Variants in SLC10A7 observed in about 807,000 individuals in gnomAD.
SLC10A7 encodes solute carrier family 10 member 7.
In SLC10A7, 29 loss-of-function variants were observed where a neutral mutation model predicts 43.2. The ratio of observed to expected loss-of-function variants is 0.67; its 90% CI spans 0.50 to 0.92. SLC10A7 has a LOEUF of 0.92. Ranked by LOEUF, SLC10A7 falls within the 40% of genes least tolerant of loss-of-function variation. The probability of loss-of-function intolerance (pLI) is 0.00; values close to 1 mark genes in which losing one functional copy is unlikely to be tolerated. For missense variants in SLC10A7, 295 were observed against 403.2 expected (o/e 0.73, Z 2.30); for synonymous variants, 152 against 144.8 (o/e 1.05, Z -0.35).
At position 146,370,650 on chromosome 4, in the gene SLC10A7, T is replaced by C. The variant is rs370466379; in HGVS notation, c.436-44654A>G. Among the ~76,000 whole-genome samples, 90 of 152,300 alleles carry C rather than the reference T, an allele frequency of 5.9e-4. 1 individual carries two copies. In the South Asian group the frequency reaches 0.018, roughly 30 times the overall value. On this transcript the variant is annotated intron_variant, in intron 5 of 11. Transcript: ENST00000335472. Reference sequence around the variant, plus strand: ...GCAAAACAAATACCGGCATTCAGCCTTTTTTAATCTTCCCCCACAGCGCTC... The same window carrying C: ...GCAAAACAAATACCGGCATTCAGCCCTTTTTAATCTTCCCCCACAGCGCTC...
chr4:146,440,847 T>C (rs998165313), intron 5 of SLC10A7, among the ~76,000 whole-genome samples: 4 of 152,198 alleles, frequency 2.6e-5, no homozygotes, highest in African/African-American at 9.6e-5. Flanking sequence ...CCATTGCTCA[T>C]GCCATTTCCT....
At chr4:146,507,691 A>G (rs1737050512) in intron 3 of SLC10A7, among the ~76,000 whole-genome samples, 1 of 152,230 alleles carries the variant, frequency 6.6e-6, no homozygotes, top group Admixed American at 6.5e-5. Flanking sequence ...AAAAAGGCCT[A>G]TTCAATGTTC....
intron 5 of SLC10A7, among the ~76,000 whole-genome samples, chr4:146,358,827 A>G (rs1735842463): frequency 6.6e-6 from 1 of 152,146 alleles, no homozygotes; most frequent in East Asian, 1.9e-4. Flanking sequence ...AAAAGTTGCT[A>G]AAAACATTCC....
At chr4:146,513,564 T>A (rs1207179693) in intron 2 of SLC10A7, among the ~76,000 whole-genome samples, 1 of 152,184 alleles carries the variant, frequency 6.6e-6, no homozygotes, top group East Asian at 1.9e-4. Flanking sequence ...GCTGACCTAA[T>A]AAATGACAAT....
At chr4:146,274,056 GC>G (rs1210196076) in intron 10 of SLC10A7, among the ~76,000 whole-genome samples, 1 of 151,978 alleles carries the variant, frequency 6.6e-6, no homozygotes, top group Non-Finnish European at 1.5e-5. Context: ...CTTTCAAATG[GC>G]ATTCTGAATT....
chr4:146,373,282 G>A (rs1369096940), intron 5 of SLC10A7, among the ~76,000 whole-genome samples: 3 of 151,946 alleles, frequency 2.0e-5, no homozygotes, highest in African/African-American at 7.3e-5. Flanking sequence ...AGATCAGCCT[G>A]GGCAACATGG....
chr4:146,341,710 A>C (rs1002110799), intron 5 of SLC10A7, among the ~76,000 whole-genome samples: 2 of 151,858 alleles, frequency 1.3e-5, no homozygotes, highest in African/African-American at 2.4e-5. Flanking sequence ...CTTGGGGCTT[A>C]CATGTTCTAT....
intron 4 of SLC10A7, among the ~76,000 whole-genome samples, chr4:146,467,823 A>G (rs1733184676): frequency 6.6e-6 from 1 of 152,108 alleles, no homozygotes; most frequent in South Asian, 2.1e-4. Flanking sequence ...TTGGCCTCCC[A>G]AAGTGCTGGG....
chr4:146,330,345 G>T (rs1317382476), intron 5 of SLC10A7, among the ~76,000 whole-genome samples: 1 of 152,166 alleles, frequency 6.6e-6, no homozygotes, highest in African/African-American at 2.4e-5. Flanking sequence ...ATGTTATCAA[G>T]AGGTTTTGCT....
chr4:146,273,520 T>G (rs544681849), intron 10 of SLC10A7, among the ~76,000 whole-genome samples: 1 of 152,238 alleles, frequency 6.6e-6, no homozygotes, highest in East Asian at 1.9e-4. Flanking sequence ...GAAGGGTGGT[T>G]AGAGGTTTCA....
rs116487254 is a variant in SLC10A7, at chr4:146,287,192, G to A, written c.774-3927C>T. 7.1e-3 allele frequency among the ~76,000 whole-genome samples: 1,084 copies of A among 152,220 alleles called. 17 individuals carry two copies. The highest frequency in any genetic ancestry group is 0.025 in the African/African-American group (1,025 of 41,528). On this transcript the variant is annotated intron_variant, in intron 9 of 11. Coordinates refer to ENST00000335472, the MANE Select transcript of SLC10A7 (RefSeq NM_001029998.6). ...AGAAGGACTGTGTCTGGAGTGGTGAGAACGACTGAGTTTGGACTGGTGAGA... is the reference window on the plus strand; with the variant it reads ...AGAAGGACTGTGTCTGGAGTGGTGAAAACGACTGAGTTTGGACTGGTGAGA...
intron 4 of SLC10A7, among the ~76,000 whole-genome samples, chr4:146,460,249 C>T (rs1306525336): frequency 6.6e-6 from 1 of 151,910 alleles, no homozygotes; most frequent in Non-Finnish European, 1.5e-5. Flanking sequence ...GTATAGATTG[C>T]AAATGATGAA....
At chr4:146,294,862 T>C (rs1006731995) in intron 7 of SLC10A7, among the ~76,000 whole-genome samples, 5 of 152,186 alleles carry the variant, frequency 3.3e-5, no homozygotes, top group African/African-American at 1.2e-4. Flanking sequence ...TGTTTGGACA[T>C]AAAAGTGAAC....
intron 4 of SLC10A7, among the ~76,000 whole-genome samples, chr4:146,460,300 T>C (rs1221686362): frequency 2.6e-5 from 4 of 151,964 alleles, no homozygotes; most frequent in Non-Finnish European, 4.4e-5. Flanking sequence ...GTTACACATA[T>C]ATTTACCATA....
At chr4:146,336,340 G>C (rs1733894378) in intron 5 of SLC10A7, among the ~76,000 whole-genome samples, 1 of 152,084 alleles carries the variant, frequency 6.6e-6, no homozygotes, top group Admixed American at 6.6e-5. Flanking sequence ...TTGGCTTTGA[G>C]TGAACCCACG....
intron 4 of SLC10A7, among the ~76,000 whole-genome samples, chr4:146,473,686 G>A (rs1288412643): frequency 6.6e-6 from 1 of 151,850 alleles, no homozygotes; most frequent in Non-Finnish European, 1.5e-5. Context: ...AATTTGGCTA[G>A]GGAAACATTT....
At chr4:146,408,686 G>C (rs1377006456) in intron 5 of SLC10A7, 1 of 152,056 alleles carries the variant, frequency 6.6e-6, no homozygotes, top group Non-Finnish European at 1.5e-5. Flanking sequence ...ACAATATAAA[G>C]TTGACTGGTG....
intron 5 of SLC10A7, among the ~76,000 whole-genome samples, chr4:146,414,960 G>T (rs1002901899): frequency 1.3e-5 from 2 of 151,896 alleles, no homozygotes; most frequent in African/African-American, 4.8e-5. Context: ...GAAAACAACA[G>T]AAAAAAATTA....
At chr4:146,283,350 T>C in intron 9 of SLC10A7, 85 bp from the exon 10 acceptor site, 2 of 969,640 alleles carry the variant, frequency 2.1e-6, no homozygotes, top group South Asian at 2.7e-5. Context: ...CCTACCTTTA[T>C]GTTAACATCC....
Sources: allele counts gnomAD v4.1 joint callset (sites outside exome capture counted in the v4.1 genomes callset), GRCh38; gene constraint gnomAD v4.1.1; transcripts MANE v1.5; gene names NCBI Gene and HGNC (gene_info 2026-07-23, HGNC 2026-07-21).